Variants in TMEM44 observed in about 807,000 individuals in gnomAD.
The protein encoded by TMEM44 is transmembrane protein 44.
Under a neutral mutation model 47.8 loss-of-function variants are expected in TMEM44, and 43 were observed. The observed-to-expected ratio is 0.90, with a 90% CI of 0.70 to 1.16. TMEM44 has a LOEUF of 1.16. Ranked by LOEUF, TMEM44 falls within the 50% of genes most tolerant of loss-of-function variation. TMEM44 has a pLI of 0.00. For missense variants in TMEM44, 568 were observed against 555.2 expected (o/e 1.02, Z -0.23); for synonymous variants, 277 against 238.8 (o/e 1.16, Z -1.48).
intron 2 of TMEM44, among the ~76,000 whole-genome samples, chr3:194,628,033 T>C (rs1717358776): frequency 6.6e-6 from 1 of 152,106 alleles, no homozygotes; most frequent in African/African-American, 2.4e-5. Context: ...CTCCCCTGCT[T>C]ATAATGGTGA....
intron 2 of TMEM44, among the ~76,000 whole-genome samples, chr3:194,626,715 G>C (rs1705980): frequency 7.3e-6 from 1 of 136,740 alleles, no homozygotes; most frequent in Non-Finnish European, 1.6e-5. Context: ...ACGGAGTCTC[G>C]CTCTGTCACC....
At chr3:194,605,096 T>C (rs928361319) in intron 8 of TMEM44, among the ~76,000 whole-genome samples, 1 of 152,244 alleles carries the variant, frequency 6.6e-6, no homozygotes, top group African/African-American at 2.4e-5. Context: ...AGAAAGAAAC[T>C]TGTGAGATTT....
At chr3:194,593,098 A>G (rs760700444) in intron 9 of TMEM44, 6 of 1,612,822 alleles carry the variant, frequency 3.7e-6, no homozygotes, top group Non-Finnish European at 3.4e-6. Flanking sequence ...GAGAGACAGA[A>G]AAAGTGTTGG....
chr3:194,594,153 A>G (rs68120282), intron 9 of TMEM44, among the ~76,000 whole-genome samples: 37,267 of 148,116 alleles, frequency 0.25, 5,078 homozygotes, highest in East Asian at 0.54. Flanking sequence ...CTATCTATCT[A>G]TCTATCTATC....
At chr3:194,615,498 T>C in intron 7 of TMEM44, 71 bp downstream of exon 7, 1 of 1,576,702 alleles carries the variant, frequency 6.3e-7, no homozygotes, top group Non-Finnish European at 8.6e-7. Context: ...CGCAGTATCC[T>C]GCTGTTTCTC....
intron 5 of TMEM44, among the ~76,000 whole-genome samples, chr3:194,618,614 A>G (rs1017337489): frequency 4.7e-5 from 7 of 149,400 alleles, no homozygotes; most frequent in Admixed American, 2.7e-4. Flanking sequence ...TAATACATAT[A>G]AAATTTAGTT....
chr3:194,627,935 A>G (rs1289799983), intron 2 of TMEM44, among the ~76,000 whole-genome samples: 1 of 152,114 alleles, frequency 6.6e-6, no homozygotes, highest in Non-Finnish European at 1.5e-5. Context: ...GCCAAGACCA[A>G]GTCATTGCAT....
At chr3:194,620,109 G>A (rs1317987152) in intron 5 of TMEM44, among the ~76,000 whole-genome samples, 3 of 152,018 alleles carry the variant, frequency 2.0e-5, no homozygotes, top group Admixed American at 6.6e-5. Flanking sequence ...TGGCCAACAT[G>A]GAGAAACCCT....
At chr3:194,615,354 A>C (rs1231264179) in intron 7 of TMEM44, among the ~76,000 whole-genome samples, 1 of 151,896 alleles carries the variant, frequency 6.6e-6, no homozygotes, top group Admixed American at 6.6e-5. Flanking sequence ...TGCCCCGTCC[A>C]CTCCATGCCA....
At chr3:194,606,659 G>A (rs1310424351) in intron 8 of TMEM44, among the ~76,000 whole-genome samples, 1 of 152,032 alleles carries the variant, frequency 6.6e-6, no homozygotes, top group Non-Finnish European at 1.5e-5. Context: ...ATAGATACAG[G>A]CCAGGCACGG....
chr3:194,624,426 A>T (rs901367568), intron 3 of TMEM44, among the ~76,000 whole-genome samples: 4 of 151,872 alleles, frequency 2.6e-5, no homozygotes, highest in Non-Finnish European at 5.9e-5. Context: ...CCTCTGATTC[A>T]TTTATTATTT....
chr3:194,611,552 C>T lies in TMEM44; in HGVS notation c.913-532G>A, dbSNP rs1056855007. Among the ~76,000 whole-genome samples the T allele has an allele frequency of 6.6e-6, 1 of 152,216 alleles. No homozygotes were observed. Among genetic ancestry groups the T allele is most frequent in the Non-Finnish European group, 1.5e-5 (1 of 68,032 alleles). On this transcript the variant is annotated intron_variant, in intron 7 of 9. Transcript: ENST00000347147. The surrounding 1 kb of genome is among the most constrained non-coding windows in gnomAD (Gnocchi z 4.2). Reference sequence around the variant, plus strand: ...TGCCTACTTCCCACTTCCAGACATTCTGATTTCATGGGTATGAGATGTAAC... The same window carrying T: ...TGCCTACTTCCCACTTCCAGACATTTTGATTTCATGGGTATGAGATGTAAC...
Position 194,628,370 on chromosome 3 carries a change from A to C in TMEM44, c.264+13T>G. The C allele has an allele frequency of 6.2e-7, 1 of 1,607,722 alleles. No homozygotes were observed. The highest frequency in any genetic ancestry group is 8.5e-7 in the Non-Finnish European group (1 of 1,177,050). On this transcript the variant is annotated intron_variant, in intron 2 of 9. Transcript: ENST00000347147. ...GCTGGCCTAAGCCACTGTCAGCTGG[A>C]GGCCCAACATACCTGGATTGTGAGC...
At chr3:194,607,435 A>G (rs1714895297) in intron 8 of TMEM44, among the ~76,000 whole-genome samples, 1 of 152,178 alleles carries the variant, frequency 6.6e-6, no homozygotes, top group South Asian at 2.1e-4. Context: ...TAACACTTAC[A>G]TGGTAAACAG....
intron 9 of TMEM44, among the ~76,000 whole-genome samples, chr3:194,596,027 G>A (rs1337700168): frequency 6.6e-6 from 1 of 152,166 alleles, no homozygotes; most frequent in Non-Finnish European, 1.5e-5. Context: ...AAAGGTAGGA[G>A]AAGACAGATA....
chr3:194,612,664 T>C (rs1346309795), intron 7 of TMEM44, among the ~76,000 whole-genome samples: 1 of 152,000 alleles, frequency 6.6e-6, no homozygotes, highest in East Asian at 1.9e-4. Flanking sequence ...AGCCATTTTA[T>C]ATTCAAGTCC....
At chr3:194,606,235 CCA>C (rs1375539010) in intron 8 of TMEM44, among the ~76,000 whole-genome samples, 1 of 152,198 alleles carries the variant, frequency 6.6e-6, no homozygotes, top group Non-Finnish European at 1.5e-5. Context: ...TCAGCCTGAA[CCA>C]CAGTGCTGCT....
At chr3:194,598,731 T>C (rs563048639) in intron 9 of TMEM44, among the ~76,000 whole-genome samples, 1 of 152,332 alleles carries the variant, frequency 6.6e-6, no homozygotes, top group African/African-American at 2.4e-5. Context: ...CCACTTCCCC[T>C]AGCGTACCGC....
At position 194,587,950 on chromosome 3, in the gene TMEM44, AGT is replaced by A. The variant is rs1258313442; in HGVS notation, c.*577_*578del. On this transcript the variant is annotated 3_prime_UTR_variant, in exon 10 of 10. Transcript: ENST00000347147. ...CCGGAGCAGTTTGCTTTGTTTTTGC[AGT>A]GTCAGTGATCTCACAAGCACTTGGT... 6.6e-6 allele frequency: 1 copy of A among 152,500 alleles called. No homozygotes were observed. The highest frequency in any genetic ancestry group is 1.5e-5 in the Non-Finnish European group (1 of 68,288). 9.4% of individuals were successfully genotyped at this position (152,500 alleles called of 1,614,324 possible). A position where few individuals can be genotyped will look rare whatever the true frequency, so the allele number is the denominator to read the frequency against.
Sources: allele counts gnomAD v4.1 joint callset (sites outside exome capture counted in the v4.1 genomes callset), GRCh38; gene constraint gnomAD v4.1.1; non-coding constraint Gnocchi (gnomAD v3.1); transcripts MANE v1.5; gene names NCBI Gene and HGNC (gene_info 2026-07-23, HGNC 2026-07-21).